CDH4: variants seen among roughly 807,000 people sequenced by gnomAD.
The protein encoded by CDH4 is cadherin 4, also known as cadherin-4.
A neutral mutation model predicts 86.0 loss-of-function variants in CDH4; 33 were observed. The observed-to-expected ratio is 0.38, with a 90% confidence interval of 0.29 to 0.51. CDH4 has a LOEUF of 0.51. Ranked by LOEUF, CDH4 falls within the 20% of genes least tolerant of loss-of-function variation. The pLI is 0.86. For missense variants in CDH4, 1,114 were observed against 1,307.4 expected, an observed-to-expected ratio of 0.85 and a Z score of 2.28; for synonymous variants, 555 against 549.4, an observed-to-expected ratio of 1.01 and a Z score of -0.14.
In CDH4 at chr20:61,623,799, G is replaced by A. The variant is rs547375363; in HGVS notation, c.170-119764G>A. ...GGAAAGACACGGTTCCTAGAGCGAG[G>A]AACACCCCAGAATCTGAGCAGGAAG... On this transcript the variant is annotated intron_variant, in intron 2 of 15. Coordinates refer to ENST00000614565, the MANE Select transcript of CDH4 (RefSeq NM_001794.5). This position sits in a 1 kb window ranked among gnomAD's most constrained non-coding sequence, Gnocchi z 4.4. Among the ~76,000 whole-genome samples, 1 of 151,832 alleles carries A rather than the reference G, an allele frequency of 6.6e-6. No individual in the cohort carries two copies. The highest frequency in any genetic ancestry group is 2.1e-4 in the South Asian group (1 of 4,796).
intron 2 of CDH4, among the ~76,000 whole-genome samples, chr20:61,482,742 C>T (rs2085574854): frequency 6.6e-6 from 1 of 152,160 alleles, no homozygotes. Context: ...GCCTAGCTGT[C>T]TGTAGAGATG....
At chr20:61,339,928 C>T (rs959224715) in intron 2 of CDH4, among the ~76,000 whole-genome samples, 3 of 152,150 alleles carry the variant, frequency 2.0e-5, no homozygotes, top group African/African-American at 7.2e-5. Flanking sequence ...TGAATTAGTC[C>T]CACCTCTAAA....
rs149639630 is a variant in CDH4 at position 61,315,477 on chromosome 20, G to T, written c.169+60540G>T. 2.9e-3 allele frequency among the ~76,000 whole-genome samples: 439 copies of T among 152,268 alleles called. 2 individuals are homozygous for T. The highest frequency in any genetic ancestry group is 4.6e-3 in the Non-Finnish European group (314 of 68,034). On this transcript the variant is annotated intron_variant, in intron 2 of 15. Coordinates refer to ENST00000614565, the MANE Select transcript of CDH4 (RefSeq NM_001794.5). ...GATTTTCAGCTGTGAAAGCCCATCA[G>T]CCCGGCTTCGGTGTAGCCAGGTTTC...
intron 2 of CDH4, among the ~76,000 whole-genome samples, chr20:61,412,019 A>T (rs1892319): frequency 1.3e-5 from 2 of 152,042 alleles, no homozygotes; most frequent in South Asian, 4.1e-4. Flanking sequence ...TTGAGCCAGG[A>T]TCAAGGCCGA....
chr20:61,304,485 G>T (rs527555141), intron 2 of CDH4, among the ~76,000 whole-genome samples: 1 of 152,176 alleles, frequency 6.6e-6, no homozygotes, highest in South Asian at 2.1e-4. Context: ...GTCGTGTTGT[G>T]TGTGTGTGAA....
At chr20:61,605,339 G>GTCTCTCTC (rs2086634885) in intron 2 of CDH4, among the ~76,000 whole-genome samples, 1 of 105,328 alleles carries the variant, frequency 9.5e-6, no homozygotes, top group Non-Finnish European at 2.2e-5. Flanking sequence ...CTCTCTCTGT[G>GTCTCTCTC]TGTCTCTCTC....
chr20:61,662,539 G>A (rs1205090523), intron 2 of CDH4, among the ~76,000 whole-genome samples: 1 of 152,220 alleles, frequency 6.6e-6, no homozygotes, highest in Non-Finnish European at 1.5e-5. Context: ...GGGGCTGGGG[G>A]GCACAGGACG....
intron 2 of CDH4, among the ~76,000 whole-genome samples, chr20:61,402,101 A>G (rs1174916091): frequency 2.0e-5 from 3 of 152,132 alleles, no homozygotes; most frequent in African/African-American, 7.2e-5. Context: ...ATAATAATGG[A>G]TATTTGCACA....
chr20:61,354,129 G>C (rs927418287), intron 2 of CDH4, among the ~76,000 whole-genome samples: 3 of 151,298 alleles, frequency 2.0e-5, no homozygotes, highest in African/African-American at 7.3e-5. Context: ...CATCGTGTAG[G>C]TGGAGGCCAG....
rs745529490 is a variant in CDH4, at chr20:61,544,408, G to A, written c.170-199155G>A. Among the ~76,000 whole-genome samples the A allele has an allele frequency of 6.6e-6, 1 of 152,002 alleles. No individual in the cohort carries two copies. The highest frequency in any genetic ancestry group is 1.5e-5 in the Non-Finnish European group (1 of 67,996). On this transcript the variant is annotated intron_variant, in intron 2 of 15. Coordinates refer to ENST00000614565, the MANE Select transcript of CDH4 (RefSeq NM_001794.5). This position sits in a 1 kb window ranked among gnomAD's most constrained non-coding sequence, Gnocchi z 6.5. Reference sequence around the variant, plus strand: ...AATCCAGCTTGCCCAGGAGAGAGGGGTGGGACTCCTGGTGTTCACTTCGTA... The same window carrying A: ...AATCCAGCTTGCCCAGGAGAGAGGGATGGGACTCCTGGTGTTCACTTCGTA...
At chr20:61,482,709 A>T (rs2085574709) in intron 2 of CDH4, among the ~76,000 whole-genome samples, 1 of 152,196 alleles carries the variant, frequency 6.6e-6, no homozygotes, top group East Asian at 1.9e-4. Context: ...AGAACCAGCC[A>T]ATCACTGTGC....
intron 7 of CDH4, among the ~76,000 whole-genome samples, chr20:61,888,893 C>G (rs920409133): frequency 3.3e-5 from 5 of 152,208 alleles, no homozygotes; most frequent in Non-Finnish European, 7.3e-5. Flanking sequence ...ACTCAGTCTT[C>G]CCCTCCGTAA....
chr20:61,772,968 C>T (rs1156238753), intron 3 of CDH4, 35 bp from the exon 4 acceptor site: 2 of 1,581,080 alleles, frequency 1.3e-6, no homozygotes, highest in Admixed American at 3.5e-5. Flanking sequence ...CCTAACTGGA[C>T]TTCTCTGCCT....
At chr20:61,513,550 C>T (rs761552586) in intron 2 of CDH4, among the ~76,000 whole-genome samples, 4 of 152,184 alleles carry the variant, frequency 2.6e-5, no homozygotes, top group South Asian at 2.1e-4. Context: ...AGGAGGAAGC[C>T]GGGCCCAGAA....
At chr20:61,314,484 G>A (rs978419840) in intron 2 of CDH4, among the ~76,000 whole-genome samples, 3 of 152,188 alleles carry the variant, frequency 2.0e-5, no homozygotes, top group African/African-American at 4.8e-5. Context: ...TTGTGTGTAC[G>A]TGTGTAGACC....
intron 2 of CDH4, among the ~76,000 whole-genome samples, chr20:61,723,362 C>T (rs1688186595): frequency 6.6e-6 from 1 of 152,206 alleles, no homozygotes; most frequent in African/African-American, 2.4e-5. Flanking sequence ...GCCCTCTGAG[C>T]ACCGTGCGCC....
intron 3 of CDH4, among the ~76,000 whole-genome samples, chr20:61,770,187 C>A (rs935738209): frequency 6.6e-6 from 1 of 152,148 alleles, no homozygotes; most frequent in Non-Finnish European, 1.5e-5. Flanking sequence ...GAAGTCGAGA[C>A]CCCTGGGTCT....
intron 6 of CDH4, among the ~76,000 whole-genome samples, chr20:61,866,711 C>G (rs1983565755): frequency 6.6e-6 from 1 of 152,112 alleles, no homozygotes; most frequent in Non-Finnish European, 1.5e-5. Flanking sequence ...CCTCATTGTG[C>G]CTTTAGATGT....
At chr20:61,781,774 C>A (rs547140260) in intron 4 of CDH4, among the ~76,000 whole-genome samples, 69 of 152,288 alleles carry the variant, frequency 4.5e-4, no homozygotes, top group African/African-American at 1.6e-3. Flanking sequence ...ACCCAGTGAA[C>A]CCTAGGTAGG....
Sources: allele counts gnomAD v4.1 joint callset (sites outside exome capture counted in the v4.1 genomes callset), GRCh38; gene constraint gnomAD v4.1.1; non-coding constraint Gnocchi (gnomAD v3.1); transcripts MANE v1.5; gene names NCBI Gene and HGNC (gene_info 2026-07-23, HGNC 2026-07-21).